Variants in EVA1A observed in about 807,000 individuals in gnomAD.
EVA1A encodes protein eva-1 homolog A.
In EVA1A, 7 loss-of-function variants were observed where a neutral mutation model predicts 9.8. The observed-to-expected ratio is 0.71, with a 90% CI of 0.41 to 1.34. The LOEUF (loss-of-function observed/expected upper bound fraction) is 1.34, where lower values mean the gene tolerates loss of function less well. EVA1A is among the 40% of genes most tolerant of loss of function. The pLI is 0.01. For missense variants in EVA1A, 206 were observed against 205.9 expected, an observed-to-expected ratio of 1.00 and a Z score of 0.00; for synonymous variants, 90 against 85.6, an observed-to-expected ratio of 1.05 and a Z score of -0.28.
upstream of EVA1A, among the ~76,000 whole-genome samples, chr2:75,565,067 A>C (rs1444401112): frequency 1.3e-5 from 2 of 152,144 alleles, no homozygotes; most frequent in African/African-American, 4.8e-5. Flanking sequence ...CCTCACCCAA[A>C]ATCATCTGGC....
intron 3 of EVA1A, among the ~76,000 whole-genome samples, chr2:75,504,458 C>T (rs77315077): frequency 6.6e-6 from 1 of 152,218 alleles, no homozygotes; most frequent in Non-Finnish European, 1.5e-5. Context: ...GGCATTCTGC[C>T]CCACCCCATT....
chr2:75,505,325 C>T (rs762508105), intron 3 of EVA1A, among the ~76,000 whole-genome samples: 17 of 152,148 alleles, frequency 1.1e-4, no homozygotes, highest in Non-Finnish European at 2.2e-4. Flanking sequence ...ATCTTTCCCA[C>T]GTGACAGTGA....
In EVA1A at chr2:75,531,534, T is replaced by TTATA. The variant is rs57814618; in HGVS notation, c.-191-9051_-191-9048dup. 7.9e-3 allele frequency among the ~76,000 whole-genome samples: 1,189 copies of TTATA among 150,152 alleles called. 15 individuals are homozygous for TTATA. Among genetic ancestry groups the TTATA allele is most frequent in the African/African-American group, 0.026 (1,065 of 40,734 alleles). On this transcript the variant is annotated intron_variant, in intron 1 of 3. Transcript: ENST00000393913. Reference sequence around the variant, plus strand: ...CAATGAGTGGATAAATAATATGTAGTTATATATATATATAATATTCTATAT... The same window carrying TTATA: ...CAATGAGTGGATAAATAATATGTAGTTATATATATATATATATAATATTCTATAT...
At chr2:75,533,156 A>C (rs1280695722) in intron 1 of EVA1A, among the ~76,000 whole-genome samples, 2 of 151,884 alleles carry the variant, frequency 1.3e-5, no homozygotes, top group African/African-American at 2.4e-5. Flanking sequence ...CTTTAAAAAA[A>C]AAAAAAGAAA....
At chr2:75,513,275 A>G (rs112178026) in intron 3 of EVA1A, among the ~76,000 whole-genome samples, 509 of 152,248 alleles carry the variant, frequency 3.3e-3, no homozygotes, top group Middle Eastern at 0.017. Flanking sequence ...TGTGTGGTAA[A>G]AGCACCTAAA....
intron 3 of EVA1A, chr2:75,517,763 T>G (rs1224861852): frequency 5.6e-6 from 4 of 717,156 alleles, no homozygotes; most frequent in Non-Finnish European, 1.0e-5. Flanking sequence ...TCAGAGTTAA[T>G]GCATAGTGAC....
In EVA1A at chr2:75,518,162, C is replaced by T. The variant is rs760360094; in HGVS notation, c.-22G>A. 2.5e-6 allele frequency: 4 copies of T among 1,610,878 alleles called. No individual in the cohort carries two copies. The African/African-American group carries it at 4.0e-5, about 16-fold the overall frequency. On this transcript the variant is annotated 5_prime_UTR_variant, in exon 3 of 4. Transcript: ENST00000393913. Reference sequence around the variant, plus strand: ...TCATGGGACATCCAGAGGGGACCTCCTGGAGGTGCTTGGCTGAATCAACGT... The same window carrying T: ...TCATGGGACATCCAGAGGGGACCTCTTGGAGGTGCTTGGCTGAATCAACGT...
At chr2:75,506,597 A>G (rs766193220) in intron 3 of EVA1A, among the ~76,000 whole-genome samples, 1 of 152,216 alleles carries the variant, frequency 6.6e-6, no homozygotes, top group Non-Finnish European at 1.5e-5. Context: ...CTGAAACCAG[A>G]GTAGGCACAG....
At chr2:75,556,094 T>C (rs1676701442) in intron 1 of EVA1A, among the ~76,000 whole-genome samples, 1 of 152,222 alleles carries the variant, frequency 6.6e-6, no homozygotes, top group African/African-American at 2.4e-5. Flanking sequence ...GTCTTCATCT[T>C]TGTGTCTCTG....
upstream of EVA1A, among the ~76,000 whole-genome samples, chr2:75,563,057 CACT>C (rs1676956963): frequency 1.3e-5 from 2 of 152,304 alleles, no homozygotes. Context: ...AAAATACTAC[CACT>C]ACTAAGAACT....
At chr2:75,525,744 C>T (rs1675411051) in intron 1 of EVA1A, among the ~76,000 whole-genome samples, 1 of 152,188 alleles carries the variant, frequency 6.6e-6, no homozygotes, top group Non-Finnish European at 1.5e-5. Context: ...AAATCTTTGT[C>T]TTGATTTGAA....
intron 1 of EVA1A, among the ~76,000 whole-genome samples, chr2:75,567,969 G>A (rs1677058081): frequency 6.6e-6 from 1 of 152,134 alleles, no homozygotes; most frequent in Non-Finnish European, 1.5e-5. Context: ...TAAATTAGCA[G>A]GTTTGATTAA....
chr2:75,555,843 CTG>C (rs1676693425), intron 1 of EVA1A, among the ~76,000 whole-genome samples: 1 of 152,172 alleles, frequency 6.6e-6, no homozygotes, highest in African/African-American at 2.4e-5. Context: ...TGTTTCCTAT[CTG>C]TAATGCTCTT....
intron 3 of EVA1A, among the ~76,000 whole-genome samples, chr2:75,511,495 A>G (rs1199285076): frequency 2.0e-5 from 3 of 152,210 alleles, no homozygotes; most frequent in Non-Finnish European, 4.4e-5. Flanking sequence ...AAATATCTCC[A>G]TAATATATTA....
chr2:75,498,088 C>A (rs1251177692), intron 3 of EVA1A, among the ~76,000 whole-genome samples: 1 of 152,028 alleles, frequency 6.6e-6, no homozygotes, highest in South Asian at 2.1e-4. Context: ...CCTAGGTGCC[C>A]ATCAAGAGAG....
chr2:75,533,816 T>C (rs934429287), intron 1 of EVA1A, among the ~76,000 whole-genome samples: 3 of 151,342 alleles, frequency 2.0e-5, no homozygotes, highest in Non-Finnish European at 4.4e-5. Context: ...TATTTATTTA[T>C]TTATTTATTT....
intron 1 of EVA1A, among the ~76,000 whole-genome samples, chr2:75,525,804 G>T (rs569349645): frequency 6.6e-6 from 1 of 152,326 alleles, no homozygotes; most frequent in East Asian, 1.9e-4. Context: ...CAAGACTTAC[G>T]TGGTGGTGGC....
At chr2:75,494,370 C>T (rs537741364) in intron 3 of EVA1A, among the ~76,000 whole-genome samples, 14 of 152,236 alleles carry the variant, frequency 9.2e-5, no homozygotes, top group South Asian at 4.1e-4. Flanking sequence ...TACCGAGGGA[C>T]GACTGTAGGA....
chr2:75,527,033 T>G (rs1178143321), intron 1 of EVA1A, among the ~76,000 whole-genome samples: 1 of 152,038 alleles, frequency 6.6e-6, no homozygotes, highest in Non-Finnish European at 1.5e-5. Flanking sequence ...ACACAACTGG[T>G]GCAGACAAAC....
Sources: gnomAD v4.1 joint callset for allele counts (sites outside exome capture counted in the v4.1 genomes callset) on GRCh38, gnomAD v4.1.1 for gene constraint, MANE v1.5 for transcripts, NCBI Gene and HGNC (gene_info 2026-07-23, HGNC 2026-07-21) for gene names.